GRIN2A: variants seen among roughly 807,000 people sequenced by gnomAD.
GRIN2A encodes glutamate receptor ionotropic, NMDA 2A.
A neutral mutation model predicts 113.4 loss-of-function variants in GRIN2A; 22 were observed. The ratio of observed to expected loss-of-function variants is 0.19; its 90% CI spans 0.14 to 0.28. The LOEUF is 0.28. Among genes scored for constraint, GRIN2A ranks in the 10% least tolerant of loss-of-function variants. The pLI is 1.00. For synonymous variants in GRIN2A, 827 were observed against 738.4 expected (o/e 1.12, Z -1.94); for missense variants, 1,502 against 1,887.0 (o/e 0.80, Z 3.78).
intron 2 of GRIN2A, among the ~76,000 whole-genome samples, chr16:9,979,529 G>A (rs1357101712): frequency 6.6e-6 from 1 of 152,012 alleles, no homozygotes; most frequent in African/African-American, 2.4e-5. Flanking sequence ...TCTTGCTAGA[G>A]CAGGGTCTTT....
intron 2 of GRIN2A, chr16:10,031,626 T>G (rs2046930691): frequency 6.6e-6 from 1 of 152,262 alleles, no homozygotes; most frequent in South Asian, 2.1e-4. Context: ...AACTGTAACT[T>G]ACTGCCTGCA....
chr16:10,084,299 A>T (rs983159006), intron 2 of GRIN2A, among the ~76,000 whole-genome samples: 9 of 151,934 alleles, frequency 5.9e-5, no homozygotes, highest in Non-Finnish European at 1.2e-4. Flanking sequence ...CCTTTTTCCC[A>T]CTCAGCACTT....
At chr16:10,062,956 G>A (rs1198926687) in intron 2 of GRIN2A, among the ~76,000 whole-genome samples, 1 of 151,966 alleles carries the variant, frequency 6.6e-6, no homozygotes, top group Non-Finnish European at 1.5e-5. Context: ...TCACAATAAC[G>A]AAGACATGGA....
intron 3 of GRIN2A, among the ~76,000 whole-genome samples, chr16:9,894,219 T>C (rs1015898975): frequency 4.6e-5 from 7 of 152,178 alleles, no homozygotes; most frequent in Non-Finnish European, 7.3e-5. Flanking sequence ...GGTTATGTTA[T>C]GTGCAGTGGG....
At chr16:9,978,253 A>G (rs544264635) in intron 2 of GRIN2A, among the ~76,000 whole-genome samples, 9 of 152,218 alleles carry the variant, frequency 5.9e-5, no homozygotes, top group Non-Finnish European at 1.0e-4. Context: ...CAAAGTATCC[A>G]CGGAGAAGCT....
At chr16:10,000,901 A>T (rs1012742815) in intron 2 of GRIN2A, among the ~76,000 whole-genome samples, 1 of 152,064 alleles carries the variant, frequency 6.6e-6, no homozygotes, top group Non-Finnish European at 1.5e-5. Flanking sequence ...AGATTTCACA[A>T]ATGAACTCTA....
intron 2 of GRIN2A, among the ~76,000 whole-genome samples, chr16:10,073,210 C>T (rs1173011175): frequency 6.6e-6 from 1 of 152,080 alleles, no homozygotes; most frequent in Non-Finnish European, 1.5e-5. Context: ...CTTGCCTTGG[C>T]CTACCAAAAT....
intron 11 of GRIN2A, among the ~76,000 whole-genome samples, chr16:9,779,152 A>C (rs1326270637): frequency 6.6e-6 from 1 of 152,226 alleles, no homozygotes. Context: ...ATTTAAAGGA[A>C]GCAGTGGGAA....
Position 10,103,563 on chromosome 16 carries a change from T to C in GRIN2A, c.414+76435A>G, listed in dbSNP as rs28666841. On this transcript the variant is annotated intron_variant, in intron 2 of 12. Transcript: ENST00000330684. ...AGTGTTTTGGGGGTACAGGGAGATA[T>C]GGGTTTAGGCAGCTGAAGCAATACC... Among the ~76,000 whole-genome samples the C allele has an allele frequency of 2.8e-3, 430 of 152,308 alleles. 1 individual carries two copies. The highest frequency in any genetic ancestry group is 9.8e-3 in the African/African-American group (409 of 41,564).
intron 10 of GRIN2A, among the ~76,000 whole-genome samples, chr16:9,801,674 A>G (rs1396499443): frequency 6.6e-6 from 1 of 152,258 alleles, no homozygotes; most frequent in East Asian, 1.9e-4. Context: ...TAAAAGCACA[A>G]TGCTGAAAAG....
intron 2 of GRIN2A, among the ~76,000 whole-genome samples, chr16:10,070,753 G>T (rs2047734145): frequency 6.6e-6 from 1 of 152,210 alleles, no homozygotes; most frequent in Non-Finnish European, 1.5e-5. Flanking sequence ...AACTGGCTAT[G>T]AATTGTTCAG....
intron 2 of GRIN2A, among the ~76,000 whole-genome samples, chr16:10,118,617 G>A (rs544409608): frequency 4.5e-4 from 68 of 152,262 alleles, no homozygotes; most frequent in South Asian, 1.7e-3. Context: ...CTGGTATGGC[G>A]GAGAAGAAAA....
intron 2 of GRIN2A, among the ~76,000 whole-genome samples, chr16:10,043,369 C>T (rs2047199209): frequency 6.6e-6 from 1 of 152,128 alleles, no homozygotes; most frequent in African/African-American, 2.4e-5. Flanking sequence ...TAAGAAAGCA[C>T]CCCAGGATTT....
At chr16:9,804,073 A>G (rs538653602) in intron 10 of GRIN2A, among the ~76,000 whole-genome samples, 121 of 152,216 alleles carry the variant, frequency 7.9e-4, no homozygotes, top group Non-Finnish European at 1.4e-3. Flanking sequence ...TCTTGCCCCT[A>G]ACATAGTCTA....
intron 2 of GRIN2A, among the ~76,000 whole-genome samples, chr16:9,956,197 C>A (rs750931747): frequency 2.6e-4 from 40 of 152,316 alleles, no homozygotes; most frequent in Middle Eastern, 6.8e-3. Context: ...TGGAAAGAAT[C>A]CACTGTCCTG....
chr16:9,996,602 T>C (rs1408749744), intron 2 of GRIN2A, among the ~76,000 whole-genome samples: 1 of 152,210 alleles, frequency 6.6e-6, no homozygotes, highest in Non-Finnish European at 1.5e-5. Context: ...TCCAACTTCA[T>C]TTGTCTACAC....
intron 2 of GRIN2A, among the ~76,000 whole-genome samples, chr16:10,122,080 C>G (rs62035769): frequency 1.3e-5 from 2 of 151,870 alleles, no homozygotes; most frequent in East Asian, 3.9e-4. Context: ...ATTCAGCGCC[C>G]TTCTGGGCAC....
At chr16:9,937,837 A>T in intron 3 of GRIN2A, 122 bp downstream of exon 3, 2 of 732,288 alleles carry the variant, frequency 2.7e-6, no homozygotes, top group Non-Finnish European at 4.9e-6. Context: ...AAAGTCCCGT[A>T]AGTAAACACA....
chr16:9,915,231 C>A (rs919362726), intron 3 of GRIN2A, among the ~76,000 whole-genome samples: 1 of 151,758 alleles, frequency 6.6e-6, no homozygotes, highest in African/African-American at 2.4e-5. Context: ...CCACCACTCC[C>A]GGCCAACTAT....
Sources: allele counts gnomAD v4.1 joint callset (sites outside exome capture counted in the v4.1 genomes callset), GRCh38; gene constraint gnomAD v4.1.1; transcripts MANE v1.5; gene names NCBI Gene and HGNC (gene_info 2026-07-23, HGNC 2026-07-21).